HPSE2: variants seen among roughly 807,000 people sequenced by gnomAD.
The protein encoded by HPSE2 is heparanase 2 (inactive).
In HPSE2, 38 loss-of-function variants were observed where a neutral mutation model predicts 60.5. The ratio of observed to expected loss-of-function variants is 0.63; its 90% CI spans 0.48 to 0.82. The LOEUF (loss-of-function observed/expected upper bound fraction) is 0.82, where lower values mean the gene tolerates loss of function less well. Among genes scored for constraint, HPSE2 ranks in the 40% least tolerant of loss-of-function variants. The pLI, the probability that HPSE2 is intolerant of heterozygous loss-of-function variation, is 0.00. For synonymous variants in HPSE2, 295 were observed against 293.2 expected (o/e 1.01, Z -0.06); for missense variants, 713 against 740.4 (o/e 0.96, Z 0.43).
At chr10:99,060,958 TG>T (rs1958228450) in intron 3 of HPSE2, among the ~76,000 whole-genome samples, 1 of 152,002 alleles carries the variant, frequency 6.6e-6, no homozygotes, top group South Asian at 2.1e-4. Flanking sequence ...TGGCAGTTGT[TG>T]GGGGTAAGAG....
chr10:99,299,541 G>T, the HPSE2 span, among the ~76,000 whole-genome samples: 3 of 152,100 alleles, frequency 2.0e-5, no homozygotes, highest in African/African-American at 7.2e-5. Flanking sequence ...TACTGTACAG[G>T]AAAAGCAAAG....
At chr10:99,306,963 G>A in the HPSE2 span, among the ~76,000 whole-genome samples, 1 of 152,150 alleles carries the variant, frequency 6.6e-6, no homozygotes, top group Non-Finnish European at 1.5e-5. Flanking sequence ...GCCCGCCTCA[G>A]CCTCCCAAAG....
chr10:98,620,102 G>A (rs1426590133), intron 8 of HPSE2, among the ~76,000 whole-genome samples: 1 of 152,140 alleles, frequency 6.6e-6, no homozygotes, highest in African/African-American at 2.4e-5. Flanking sequence ...GTTAAATTAT[G>A]AAATATAAAT....
At chr10:98,941,080 T>C (rs1954984114) in intron 3 of HPSE2, among the ~76,000 whole-genome samples, 1 of 141,450 alleles carries the variant, frequency 7.1e-6, no homozygotes, top group Non-Finnish European at 1.5e-5. Flanking sequence ...ATGGGACGTA[T>C]CTCAAAAGAA....
intron 9 of HPSE2, among the ~76,000 whole-genome samples, chr10:98,537,017 A>T (rs1228612658): frequency 6.6e-6 from 1 of 152,244 alleles, no homozygotes; most frequent in Non-Finnish European, 1.5e-5. Context: ...AGGTGTTAAC[A>T]TACACTGTGT....
chr10:99,278,053 C>T, the HPSE2 span, among the ~76,000 whole-genome samples: 5 of 145,364 alleles, frequency 3.4e-5, no homozygotes, highest in South Asian at 4.4e-4. Context: ...GCCAAGATCG[C>T]GCCACTGTAC....
chr10:98,728,293 G>C (rs149000393), intron 4 of HPSE2, among the ~76,000 whole-genome samples: 5 of 152,288 alleles, frequency 3.3e-5, no homozygotes, highest in Middle Eastern at 3.4e-3. Flanking sequence ...ACTGGGGAAT[G>C]AAACTGTACT....
At chr10:98,641,751 G>A (rs1222464994) in intron 7 of HPSE2, 96 bp downstream of exon 7, 15 of 912,342 alleles carry the variant, frequency 1.6e-5, no homozygotes, top group Non-Finnish European at 2.7e-5. Context: ...TTCTACTCTG[G>A]TTCCCACAGT....
At chr10:98,920,261 C>T (rs549295460) in intron 3 of HPSE2, among the ~76,000 whole-genome samples, 20 of 152,264 alleles carry the variant, frequency 1.3e-4, no homozygotes, top group Admixed American at 5.2e-4. Context: ...AACTGCATTA[C>T]GGACTGGGGC....
chr10:99,211,155 T>A (rs116644689), intron 2 of HPSE2, among the ~76,000 whole-genome samples: 2,304 of 152,018 alleles, frequency 0.015, 55 homozygotes, highest in African/African-American at 0.053. Context: ...AGACAACAAT[T>A]CTATTTATAA....
intron 3 of HPSE2, among the ~76,000 whole-genome samples, chr10:99,011,136 G>GT (rs34843826): frequency 0.76 from 114,018 of 150,550 alleles, 43,480 homozygotes; most frequent in East Asian, 0.85. Flanking sequence ...CCTGTGTTAG[G>GT]TTTTTTTTTG....
intron 3 of HPSE2, among the ~76,000 whole-genome samples, chr10:98,940,918 G>C (rs1467640169): frequency 0.012 from 1,252 of 100,356 alleles, no homozygotes; most frequent in Middle Eastern, 0.043. Flanking sequence ...GGGATGCAAG[G>C]CTGGTTCAAT....
chr10:98,736,699 G>A (rs1290526914), intron 4 of HPSE2, among the ~76,000 whole-genome samples: 1 of 152,128 alleles, frequency 6.6e-6, no homozygotes, highest in Non-Finnish European at 1.5e-5. Flanking sequence ...TAGCATATAA[G>A]AGTTTAATAG....
chr10:99,155,543 C>A (rs1177149541), intron 2 of HPSE2, among the ~76,000 whole-genome samples: 1 of 136,548 alleles, frequency 7.3e-6, no homozygotes, highest in African/African-American at 2.7e-5. Context: ...TAAAGATGTT[C>A]TTTGAAACCA....
chr10:98,716,447 A>AAATAAATG (rs1948793240), intron 5 of HPSE2, among the ~76,000 whole-genome samples: 1 of 146,138 alleles, frequency 6.8e-6, no homozygotes, highest in South Asian at 2.1e-4. Flanking sequence ...AATAAAAAAT[A>AAATAAATG]AATAAATAAA....
intron 3 of HPSE2, among the ~76,000 whole-genome samples, chr10:98,766,097 T>C (rs532214909): frequency 6.6e-6 from 1 of 152,108 alleles, no homozygotes; most frequent in East Asian, 1.9e-4. Flanking sequence ...AAGAGATGAA[T>C]CAATATAAAC....
Position 98,763,781 on chromosome 10 carries a change from G to GA in HPSE2, c.611-19726dup, listed in dbSNP as rs56892977. Among the ~76,000 whole-genome samples the GA allele has an allele frequency of 4.3e-3, 607 of 140,454 alleles. 2 individuals carry two copies. Among genetic ancestry groups the GA allele is most frequent in the Admixed American group, 9.8e-3 (137 of 14,024 alleles). 92.1% of individuals were successfully genotyped at this position (140,454 alleles called of 152,430 possible). The stretch of plus-strand genomic sequence containing the variant: ...AGGTGTTACAAAGACATTTTCAGAT[G>GA]AAAAAAAAAAAACTAGTAGAATCCA... On this transcript the variant is annotated intron_variant, in intron 3 of 11. Coordinates refer to ENST00000370552, the MANE Select transcript of HPSE2 (RefSeq NM_021828.5).
At chr10:99,081,825 A>C (rs1414099997) in intron 3 of HPSE2, among the ~76,000 whole-genome samples, 1 of 151,906 alleles carries the variant, frequency 6.6e-6, no homozygotes, top group Non-Finnish European at 1.5e-5. Flanking sequence ...TTTAGTAGAG[A>C]CAGGGTATCA....
intron 3 of HPSE2, among the ~76,000 whole-genome samples, chr10:98,838,122 C>T (rs1951833055): frequency 6.6e-6 from 1 of 152,260 alleles, no homozygotes; most frequent in Middle Eastern, 3.4e-3. Context: ...TTTCCTCTCT[C>T]TAATCTCCTA....
Sources: allele counts gnomAD v4.1 joint callset (sites outside exome capture counted in the v4.1 genomes callset), GRCh38; gene constraint gnomAD v4.1.1; transcripts MANE v1.5; gene names NCBI Gene and HGNC (gene_info 2026-07-23, HGNC 2026-07-21).